Variants in RBM47 observed in about 807,000 individuals in gnomAD.
The protein encoded by RBM47 is RNA-binding protein 47.
In RBM47, 21 loss-of-function variants were observed where a neutral mutation model predicts 47.1. That is an observed-to-expected ratio of 0.45 (90% CI 0.32 to 0.64). RBM47 has a LOEUF of 0.64. Ranked by LOEUF, RBM47 falls within the 30% of genes least tolerant of loss-of-function variation. The probability of loss-of-function intolerance (pLI) is 0.05; values close to 1 mark genes in which losing one functional copy is unlikely to be tolerated. For synonymous variants in RBM47, 375 were observed against 361.7 expected (o/e 1.04, Z -0.42); for missense variants, 708 against 870.9 (o/e 0.81, Z 2.35).
At chr4:40,509,523 G>A (rs919599613) in intron 2 of RBM47, among the ~76,000 whole-genome samples, 9 of 152,064 alleles carry the variant, frequency 5.9e-5, no homozygotes, top group African/African-American at 2.2e-4. Context: ...AATTACTTGA[G>A]CCCAGGAATT....
At chr4:40,464,080 A>G (rs865815515) in intron 3 of RBM47, among the ~76,000 whole-genome samples, 2 of 152,206 alleles carry the variant, frequency 1.3e-5, no homozygotes, top group Non-Finnish European at 2.9e-5. Context: ...CTGAAGTTCT[A>G]TTTATAATAC....
chr4:40,437,726 G>A, intron 4 of RBM47, 45 bp downstream of exon 4: 2 of 1,529,956 alleles, frequency 1.3e-6, no homozygotes, highest in Non-Finnish European at 1.8e-6. Context: ...TGCCTAGGAG[G>A]CAACGTTCTT....
chr4:40,609,675 C>T (rs558869489), intron 1 of RBM47, among the ~76,000 whole-genome samples: 4 of 152,128 alleles, frequency 2.6e-5, no homozygotes, highest in African/African-American at 9.6e-5. Context: ...ATATGCTTTG[C>T]GCATGAGACA....
chr4:40,571,833 A>G (rs1342378443), intron 1 of RBM47, among the ~76,000 whole-genome samples: 1 of 151,556 alleles, frequency 6.6e-6, no homozygotes, highest in Non-Finnish European at 1.5e-5. Context: ...AGCCTGGCCA[A>G]TATGGTGAAA....
intron 1 of RBM47, among the ~76,000 whole-genome samples, chr4:40,596,959 A>G (rs1340597954): frequency 6.6e-6 from 1 of 152,192 alleles, no homozygotes; most frequent in Non-Finnish European, 1.5e-5. Context: ...GTATTTAAGT[A>G]TTTAAAGTTT....
chr4:40,514,979 G>C (rs1457682867), intron 2 of RBM47, among the ~76,000 whole-genome samples: 1 of 152,210 alleles, frequency 6.6e-6, no homozygotes, highest in African/African-American at 2.4e-5. Context: ...CGAATATGTA[G>C]ACGCAGTAGC....
At chr4:40,509,535 G>A (rs953956180) in intron 2 of RBM47, among the ~76,000 whole-genome samples, 4 of 152,114 alleles carry the variant, frequency 2.6e-5, no homozygotes, top group Non-Finnish European at 4.4e-5. Flanking sequence ...CCAGGAATTT[G>A]AGACCAGTCT....
intron 2 of RBM47, among the ~76,000 whole-genome samples, chr4:40,505,894 ACAAAAC>A (rs1287366934): frequency 5.5e-4 from 4 of 7,338 alleles, no homozygotes; most frequent in Non-Finnish European, 9.4e-4. Flanking sequence ...CTCAAAAAAA[ACAAAAC>A]AAAACAAAAC....
intron 2 of RBM47, among the ~76,000 whole-genome samples, chr4:40,507,183 CT>C (rs1371660805): frequency 2.0e-5 from 3 of 152,058 alleles, no homozygotes; most frequent in Non-Finnish European, 4.4e-5. Flanking sequence ...TCTCGAACTC[CT>C]AACCTCAGGT....
chr4:40,629,959 T>C (rs1202879104), upstream of RBM47: 1 of 149,664 alleles, frequency 6.7e-6, no homozygotes, highest in Non-Finnish European at 1.5e-5. Flanking sequence ...TCTCGTCTAC[T>C]CCCTTCCCTT....
intron 2 of RBM47, among the ~76,000 whole-genome samples, chr4:40,472,895 T>C (rs1375639160): frequency 6.6e-6 from 1 of 152,304 alleles, no homozygotes; most frequent in South Asian, 2.1e-4. Context: ...AGAAAAAAGA[T>C]AGCATCTAAA....
chr4:40,472,238 T>C (rs1031261334), intron 2 of RBM47, among the ~76,000 whole-genome samples: 1 of 152,198 alleles, frequency 6.6e-6, no homozygotes, highest in Non-Finnish European at 1.5e-5. Flanking sequence ...TTACTACCTT[T>C]TTAATGCCAA....
At chr4:40,459,243 CTGAA>C (rs1355816850) in intron 3 of RBM47, among the ~76,000 whole-genome samples, 6 of 152,200 alleles carry the variant, frequency 3.9e-5, no homozygotes, top group Non-Finnish European at 8.8e-5. Context: ...GTGCCTGGCA[CTGAA>C]TGAATGTTTG....
At chr4:40,488,158 C>T (rs1401936132) in intron 2 of RBM47, among the ~76,000 whole-genome samples, 1 of 151,972 alleles carries the variant, frequency 6.6e-6, no homozygotes, top group Non-Finnish European at 1.5e-5. Context: ...CCAGCCTCTA[C>T]TACAAAATTA....
At position 40,559,524 on chromosome 4, in the gene RBM47, T is replaced by G. The variant is rs534652992; in HGVS notation, c.-239-15018A>C. Among the ~76,000 whole-genome samples, 7 of 152,350 alleles carry G rather than the reference T, an allele frequency of 4.6e-5. No homozygotes were observed. In the South Asian group the frequency reaches 1.5e-3, roughly 32 times the overall value. On this transcript the variant is annotated intron_variant, in intron 1 of 6. Coordinates refer to ENST00000295971, the MANE Select transcript of RBM47 (RefSeq NM_001098634.2). ...CATTGGAGATCTTATCTAAATTTTT[T>G]AAAAATAAGACTGTTAAGGAAGAAA...
rs1251826396 is a variant in RBM47 at position 40,571,608 on chromosome 4, A to T, written c.-239-27102T>A. Among the ~76,000 whole-genome samples, 4 of 151,992 alleles carry T rather than the reference A, an allele frequency of 2.6e-5. 1 individual carries two copies. The highest frequency in any genetic ancestry group is 6.6e-5 in the Admixed American group (1 of 15,256). Reference sequence around the variant, plus strand: ...AAGATTGACAATTCAACTACATAAAATTTTTTTTAAAAAATACAAACCAGG... The same window carrying T: ...AAGATTGACAATTCAACTACATAAATTTTTTTTTAAAAAATACAAACCAGG... On this transcript the variant is annotated intron_variant, in intron 1 of 6. Coordinates refer to ENST00000295971, the MANE Select transcript of RBM47 (RefSeq NM_001098634.2).
Position 40,438,908 on chromosome 4 carries a change from C to T in RBM47, c.-15G>A, listed in dbSNP as rs765338439. ...TCTGCGGTCATAATGTCAAAGGCAT[C>T]CACAGCTGGCGGAAACCTGGGGAAG... is the stretch of plus-strand genomic sequence containing the variant. On this transcript the variant is annotated 5_prime_UTR_variant, in exon 4 of 7. Transcript: ENST00000295971. The T allele has an allele frequency of 2.0e-6, 3 of 1,519,382 alleles. No homozygotes were observed. In the Admixed American group the frequency reaches 6.3e-5, roughly 32 times the overall value. The allele number at this position is 1,519,382 out of a possible 1,614,324, so 94.1% of individuals were successfully genotyped here.
intron 2 of RBM47, among the ~76,000 whole-genome samples, chr4:40,495,529 G>C (rs566549996): frequency 6.6e-6 from 1 of 152,122 alleles, no homozygotes; most frequent in East Asian, 1.9e-4. Flanking sequence ...TTGAACCCAT[G>C]AGGCAGAGGT....
At chr4:40,621,385 A>G (rs1164619151) in intron 1 of RBM47, among the ~76,000 whole-genome samples, 4 of 152,256 alleles carry the variant, frequency 2.6e-5, no homozygotes, top group Non-Finnish European at 5.9e-5. Context: ...ATGACAGATC[A>G]GAGAATTGTT....
Sources: gnomAD v4.1 joint callset for allele counts (sites outside exome capture counted in the v4.1 genomes callset) on GRCh38, gnomAD v4.1.1 for gene constraint, MANE v1.5 for transcripts, NCBI Gene and HGNC (gene_info 2026-07-23, HGNC 2026-07-21) for gene names.